Variants in ZP1 observed in about 807,000 individuals in gnomAD.
ZP1 encodes zona pellucida glycoprotein 1, also known as zona pellucida sperm-binding protein 1.
Under a neutral mutation model 67.4 loss-of-function variants are expected in ZP1, and 58 were observed. The ratio of observed to expected loss-of-function variants is 0.86; its 90% CI spans 0.70 to 1.07. The LOEUF is 1.07. ZP1 is among the 50% of genes least tolerant of loss of function. ZP1 has a pLI of 0.00. For synonymous variants in ZP1, 333 were observed against 332.7 expected, an observed-to-expected ratio of 1.00 and a Z score of -0.01; for missense variants, 759 against 807.3, an observed-to-expected ratio of 0.94 and a Z score of 0.72.
Position 60,873,563 on chromosome 11 carries a change from G to T in ZP1, c.1429G>T (p.Gly477Ter). 1.2e-6 allele frequency: 2 copies of T among 1,612,846 alleles called. No homozygotes were observed. The highest frequency in any genetic ancestry group is 1.7e-6 in the Non-Finnish European group (2 of 1,179,084). ...QQPQWPILSD[G>*]CPFKGDSYRT... ...GCCCCAGTGGCCCATCCTGTCAGAC[G>T]GGTGAGTGCCCCCACACTCCCCCCA... is the stretch of plus-strand genomic sequence containing the variant. Residue 477 changes from glycine to a stop codon, truncating the protein, a stop_gained and splice_region_variant, in exon 8 of 12, where the codon GGA becomes TGA. Transcript: ENST00000278853. LOFTEE classifies it high-confidence loss of function.
At position 60,873,297 on chromosome 11, in the gene ZP1, A is replaced by G; in HGVS notation, c.1240+8A>G. ...AGCTGCGGATTGCCAAAGGTATGCT[A>G]TGCTATCCCTGCTCTCTTCTGGCCC... On this transcript the variant is annotated splice_region_variant and intron_variant, in intron 7 of 11. Coordinates refer to ENST00000278853, the MANE Select transcript of ZP1 (RefSeq NM_207341.4). 6.3e-7 allele frequency: 1 copy of G among 1,582,880 alleles called. No homozygotes were observed. Among genetic ancestry groups the G allele is most frequent in the South Asian group, 1.2e-5 (1 of 86,346 alleles).
At chr11:60,868,039 C>CTTTTTTT (rs3044654) in intron 1 of ZP1, among the ~76,000 whole-genome samples, 1 of 140,652 alleles carries the variant, frequency 7.1e-6, no homozygotes, top group Admixed American at 7.1e-5. Flanking sequence ...CATTTCTTTT[C>CTTTTTTT]TTTTTTTTTT....
Position 60,867,701 on chromosome 11 carries a change from G to A in ZP1, c.140G>A (p.Gly47Glu). Reference protein sequence around the residue: ...LRHSYDCGIKGMQLLVFPRPG... With the variant: ...LRHSYDCGIKEMQLLVFPRPG... ...CACAGCTACGACTGTGGGATCAAGG[G>A]AATGCAGCTGCTGGTGTTCCCCAGG... Residue 47 changes from glycine (G) to glutamate (E), a missense_variant, in exon 1 of 12, where the codon GGA (glycine) becomes GAA (glutamate). Coordinates refer to ENST00000278853, the MANE Select transcript of ZP1 (RefSeq NM_207341.4). The A allele has an allele frequency of 1.2e-6, 2 of 1,614,058 alleles. No individual in the cohort carries two copies. The highest frequency in any genetic ancestry group is 1.7e-6 in the Non-Finnish European group (2 of 1,179,978).
In ZP1 at chr11:60,871,299, G is replaced by A. The variant is rs759371225; in HGVS notation, c.1097G>A (p.Arg366Gln). 2.1e-5 allele frequency: 34 copies of A among 1,613,748 alleles called. 1 individual carries two copies. The highest frequency in any genetic ancestry group is 2.0e-4 in the Admixed American group (12 of 60,022). ...IQKGPQGSITRDSTFQLHVRC... is the reference protein window; with the variant it reads ...IQKGPQGSITQDSTFQLHVRC... The stretch of plus-strand genomic sequence containing the variant: ...AAGGGGCCACAGGGTTCCATCACGC[G>A]GGACAGCACCTTCCAGTAAGGGCAG... The change falls in exon 6 of 12, where the codon CGG becomes CAG. Residue 366 changes from arginine to glutamine, a missense_variant. By Grantham distance (43) the Arg-to-Gln change is conservative. Transcript: ENST00000278853.
intron 1 of ZP1, among the ~76,000 whole-genome samples, chr11:60,868,562 C>T (rs745312919): frequency 2.6e-5 from 4 of 152,162 alleles, no homozygotes; most frequent in East Asian, 1.9e-4. Flanking sequence ...TGGCCGTGCT[C>T]ATGGAACAAG....
Position 60,873,503 on chromosome 11 carries a change from T to C in ZP1, c.1369T>C (p.Cys457Arg), listed in dbSNP as rs1387939549. The change falls in exon 8 of 12, where the codon TGC becomes CGC. Residue 457 changes from cysteine to arginine, a missense_variant. Physicochemically the swap from Cys to Arg is radical, Grantham distance 180. Coordinates refer to ENST00000278853, the MANE Select transcript of ZP1 (RefSeq NM_207341.4). ...CAACCTGGTCCTGCTGCTGCACCAG[T>C]GCTGGGGCGCTCCCAGTGCCAACCC... ...DPNLVLLLHQ[C>R]WGAPSANPFQ... is the part of the protein sequence containing the mutation. 5.6e-6 allele frequency: 9 copies of C among 1,613,330 alleles called. No homozygotes were observed. The highest frequency in any genetic ancestry group is 7.6e-6 in the Non-Finnish European group (9 of 1,179,608).
chr11:60,867,985 T>C (rs1855501365), intron 1 of ZP1, among the ~76,000 whole-genome samples: 1 of 151,738 alleles, frequency 6.6e-6, no homozygotes, highest in African/African-American at 2.4e-5. Flanking sequence ...CTTGTTGAGG[T>C]GCAGGTTCTG....
Position 60,874,966 on chromosome 11 carries a change from A to G in ZP1, c.1606A>G (p.Thr536Ala), listed in dbSNP as rs765963079. 6.2e-7 allele frequency: 1 copy of G among 1,614,192 alleles called. No individual in the cohort carries two copies. The highest frequency in any genetic ancestry group is 8.5e-7 in the Non-Finnish European group (1 of 1,180,032). Residue 536 changes from threonine to alanine, a missense_variant, in exon 10 of 12, where the codon ACC becomes GCC. By Grantham distance (58) the Thr-to-Ala change is moderately conservative (BLOSUM62 0). Coordinates refer to ENST00000278853, the MANE Select transcript of ZP1 (RefSeq NM_207341.4). ...YLFCSTSACH[T>A]SGLETCSTAC... The stretch of plus-strand genomic sequence containing the variant: ...GTTCTGCAGCACCTCTGCCTGCCAC[A>G]CCTCAGGGCTGGAGACTTGCTCCAC...
At chr11:60,871,904 C>CT (rs951455208) in intron 6 of ZP1, among the ~76,000 whole-genome samples, 4 of 152,216 alleles carry the variant, frequency 2.6e-5, no homozygotes, top group African/African-American at 9.6e-5. Flanking sequence ...GGCTCTGAAC[C>CT]TGTGTGACCA....
chr11:60,870,872 C>T (rs1023422873), intron 4 of ZP1, 85 bp from the exon 5 acceptor site: 2 of 1,467,768 alleles, frequency 1.4e-6, no homozygotes, highest in African/African-American at 2.8e-5. Flanking sequence ...TAGACCGGCA[C>T]TTAAAGCCTG....
In ZP1 at chr11:60,873,686, G is replaced by T. The variant is rs752704773; in HGVS notation, c.1483G>T (p.Ala495Ser). Residue 495 changes from alanine to serine, a missense_variant, in exon 9 of 12, where the codon GCC (alanine) becomes TCC (serine). Coordinates refer to ENST00000278853, the MANE Select transcript of ZP1 (RefSeq NM_207341.4). ...AACCCAAATGGTAGCCTTGGACGGGGCCACACCTTTCCAGTCGCACTACCA... is the reference window on the plus strand; with the variant it reads ...AACCCAAATGGTAGCCTTGGACGGGTCCACACCTTTCCAGTCGCACTACCA... Reference protein sequence around the residue: ...YRTQMVALDGATPFQSHYQRF... With the variant: ...YRTQMVALDGSTPFQSHYQRF... 5.6e-6 allele frequency: 9 copies of T among 1,614,034 alleles called. No homozygotes were observed. The highest frequency in any genetic ancestry group is 7.6e-6 in the Non-Finnish European group (9 of 1,180,038).
intron 11 of ZP1, 21 bp from the exon 12 acceptor site, chr11:60,875,493 C>A (rs1855685044): frequency 6.2e-7 from 1 of 1,613,076 alleles, no homozygotes; most frequent in Non-Finnish European, 8.5e-7. Flanking sequence ...CCCAGCCCTG[C>A]CAATCCCGTC....
At chr11:60,868,329 G>A (rs563983371) in intron 1 of ZP1, among the ~76,000 whole-genome samples, 5 of 152,322 alleles carry the variant, frequency 3.3e-5, no homozygotes, top group South Asian at 2.1e-4. Flanking sequence ...TTATAGGCGT[G>A]AGCCACTGCA....
intron 4 of ZP1, 109 bp downstream of exon 4, chr11:60,870,584 C>A: frequency 7.0e-7 from 1 of 1,437,836 alleles, no homozygotes; most frequent in Non-Finnish European, 9.3e-7. Flanking sequence ...CCTGGAGAGC[C>A]CAACTCCCAG....
At position 60,867,650 on chromosome 11, in the gene ZP1, C is replaced by A. The variant is rs1379122901; in HGVS notation, c.89C>A (p.Pro30His). The A allele has an allele frequency of 2.4e-5, 38 of 1,613,910 alleles. No homozygotes were observed. The highest frequency in any genetic ancestry group is 3.1e-5 in the Non-Finnish European group (36 of 1,179,966). Residue 30 changes from proline (P) to histidine (H), a missense_variant, in exon 1 of 12, where the codon CCC becomes CAC. Pro to His is a moderately conservative substitution (Grantham distance 77, BLOSUM62 -2). Coordinates refer to ENST00000278853, the MANE Select transcript of ZP1 (RefSeq NM_207341.4). Reference protein sequence around the residue: ...ATLGLGRWLQPDPGLPGLRHS... With the variant: ...ATLGLGRWLQHDPGLPGLRHS... ...CTGGGGCTGGGTAGGTGGCTCCAGC[C>A]CGACCCTGGCCTCCCAGGCCTCCGG...
At position 60,868,745 on chromosome 11, in the gene ZP1, G is replaced by A. The variant is rs535133397; in HGVS notation, c.197-400G>A. Among the ~76,000 whole-genome samples, 20 of 152,328 alleles carry A rather than the reference G, an allele frequency of 1.3e-4. No individual in the cohort carries two copies. The East Asian group carries it at 3.7e-3, about 28-fold the overall frequency. ...TCAAATCCTCATTCTGCCCCTCATT[G>A]TGTGCACCTAAGAAAGCTCACGCAC... On this transcript the variant is annotated intron_variant, in intron 1 of 11. Transcript: ENST00000278853.
chr11:60,867,962 AAC>A (rs1855501020), intron 1 of ZP1, among the ~76,000 whole-genome samples: 1 of 152,126 alleles, frequency 6.6e-6, no homozygotes, highest in Non-Finnish European at 1.5e-5. Flanking sequence ...GTGCATGGGA[AAC>A]ACCTGGCCAC....
intron 4 of ZP1, 147 bp from the exon 5 acceptor site, chr11:60,870,809 AG>A: frequency 4.5e-6 from 4 of 892,130 alleles, no homozygotes; most frequent in Non-Finnish European, 5.2e-6. Context: ...CAGTCCATAA[AG>A]GGTTTGCTGG....
intron 3 of ZP1, 22 bp downstream of exon 3, chr11:60,869,922 AC>A: frequency 6.6e-7 from 1 of 1,523,200 alleles, no homozygotes; most frequent in South Asian, 1.3e-5. Context: ...ATCTGAGTGT[AC>A]TTACCCTCTG....
Sources: allele counts gnomAD v4.1 joint callset (sites outside exome capture counted in the v4.1 genomes callset), GRCh38; gene constraint gnomAD v4.1.1; transcripts MANE v1.5; gene names NCBI Gene and HGNC (gene_info 2026-07-23, HGNC 2026-07-21).